The following RLN1 variants were observed in gnomAD, a reference collection of about 807,000 sequenced individuals.
RLN1 encodes the protein prorelaxin H1.
RLN1 carries 4 observed loss-of-function variants against 7.2 expected under a neutral mutation model. The ratio of observed to expected loss-of-function variants is 0.56; its 90% CI spans 0.28 to 1.28. RLN1 has a LOEUF of 1.28. Among genes scored for constraint, RLN1 ranks in the 50% most tolerant of loss-of-function variants. The pLI is 0.11. For missense variants in RLN1, 293 were observed against 221.1 expected, an observed-to-expected ratio of 1.32 and a Z score of -2.06; for synonymous variants, 105 against 86.0, an observed-to-expected ratio of 1.22 and a Z score of -1.22.
At chr9:5,335,977 C>T (rs1268733760) in intron 1 of RLN1, among the ~76,000 whole-genome samples, 3 of 152,024 alleles carry the variant, frequency 2.0e-5, no homozygotes, top group East Asian at 1.9e-4. Context: ...TTACTTAACT[C>T]GTTTTCTTCC....
chr9:5,337,799 C>T (rs1365375471), intron 1 of RLN1, among the ~76,000 whole-genome samples: 1 of 151,980 alleles, frequency 6.6e-6, no homozygotes, highest in Non-Finnish European at 1.5e-5. Context: ...TTTGAAATCT[C>T]ATGTCTCTTC....
Position 5,339,709 on chromosome 9 carries a change from CAG to C in RLN1, c.36_37del (p.Phe12LeufsTer21). 2 of 1,613,316 alleles carry C rather than the reference CAG, an allele frequency of 1.2e-6. No homozygotes were observed. The highest frequency in any genetic ancestry group is 1.7e-6 in the Non-Finnish European group (2 of 1,180,038). ...TCTGGAAAATTGGTTCAGTAGTAAA[CAG>C]AATTCTAGCAGGTGGAACAAGAACA... On this transcript the variant is annotated frameshift_variant, in exon 1 of 2. Transcript: ENST00000223862. LOFTEE classifies it high-confidence loss of function.
chr9:5,339,887 G>T (rs1816957532), upstream of RLN1: 2 of 793,750 alleles, frequency 2.5e-6, no homozygotes, highest in African/African-American at 1.8e-5. Context: ...CTTTAGTATG[G>T]GCTATCACTC....
chr9:5,335,311 T>C lies in RLN1; in HGVS notation c.498A>G (p.Ala166=), dbSNP rs1437702641. Residue 166 remains alanine (A), a synonymous_variant, in exon 2 of 2, where the codon GCA becomes GCG. Coordinates refer to ENST00000223862, the MANE Select transcript of RLN1 (RefSeq NM_006911.4). The stretch of plus-strand genomic sequence containing the variant: ...CAATTAGGCAACATTTCTCAAACAG[T>C]GCCACGTAGGGTCGTCTCTTTTTTT... ...HSQKKRRPYV[A]LFEKCCLIGC... The C allele has an allele frequency of 6.2e-7, 1 of 1,608,824 alleles. No homozygotes were observed. The highest frequency in any genetic ancestry group is 8.5e-7 in the Non-Finnish European group (1 of 1,178,756).
In RLN1 at chr9:5,339,748, C is replaced by G. The variant is rs754979979; in HGVS notation, c.-2G>C. On this transcript the variant is annotated 5_prime_UTR_variant, in exon 1 of 2. Coordinates refer to ENST00000223862, the MANE Select transcript of RLN1 (RefSeq NM_006911.4). ...GTGGAACAAGAACAGGCGAGGCATC[C>G]TGGGCCTGGTCTCTCCTGGAGGTCT... 29 of 1,613,510 alleles carry G rather than the reference C, an allele frequency of 1.8e-5. No homozygotes were observed. The highest frequency in any genetic ancestry group is 2.3e-5 in the Non-Finnish European group (27 of 1,179,990).
At chr9:5,338,215 G>A (rs1418838323) in intron 1 of RLN1, among the ~76,000 whole-genome samples, 1 of 86,732 alleles carries the variant, frequency 1.2e-5, no homozygotes, top group Admixed American at 1.3e-4. Context: ...GTCAGAAAAT[G>A]TGGAATAATA....
intron 1 of RLN1, among the ~76,000 whole-genome samples, chr9:5,336,876 C>T (rs1352937253): frequency 6.6e-6 from 1 of 151,968 alleles, no homozygotes; most frequent in East Asian, 1.9e-4. Flanking sequence ...GACCCTTCAC[C>T]TAGACAGCGG....
chr9:5,339,736 A>C lies in RLN1; in HGVS notation c.11T>G (p.Leu4Arg). The stretch of plus-strand genomic sequence containing the variant: ...GAATTCTAGCAGGTGGAACAAGAAC[A>C]GGCGAGGCATCCTGGGCCTGGTCTC... MPR[L>R]FLFHLLEFCL... The change falls in exon 1 of 2, where the codon CTG becomes CGG. Residue 4 changes from leucine (L) to arginine (R), a missense_variant. Transcript: ENST00000223862. 6.2e-7 allele frequency: 1 copy of C among 1,613,632 alleles called. No individual in the cohort carries two copies. The highest frequency in any genetic ancestry group is 8.5e-7 in the Non-Finnish European group (1 of 1,180,030).
At position 5,339,798 on chromosome 9, in the gene RLN1, C is replaced by T. The variant is rs1477990743; in HGVS notation, c.-52G>A. The T allele has an allele frequency of 9.5e-6, 15 of 1,585,278 alleles. No individual in the cohort carries two copies. Among genetic ancestry groups the T allele is most frequent in the Middle Eastern group, 1.7e-4 (1 of 6,002 alleles). On this transcript the variant is annotated 5_prime_UTR_variant, in exon 1 of 2. Coordinates refer to ENST00000223862, the MANE Select transcript of RLN1 (RefSeq NM_006911.4). ...TGGGTGTTGCAGCCTTTCAGGACTG[C>T]GGCTGCTGTGGCCTACACACCTGGG... is the stretch of plus-strand genomic sequence containing the variant.
chr9:5,336,997 A>G (rs1816908885), intron 1 of RLN1, among the ~76,000 whole-genome samples: 2 of 151,756 alleles, frequency 1.3e-5, no homozygotes, highest in African/African-American at 2.4e-5. Flanking sequence ...TAAAAAACAA[A>G]ACAAAACAAA....
At position 5,339,688 on chromosome 9, in the gene RLN1, G is replaced by A. The variant is rs148394367; in HGVS notation, c.59C>T (p.Ser20Phe). 2.1e-4 allele frequency: 344 copies of A among 1,613,322 alleles called. No individual in the cohort carries two copies. Among genetic ancestry groups the A allele is most frequent in the Non-Finnish European group, 2.8e-4 (334 of 1,180,034 alleles). ...LEFCLLLNQF[S>F]RAVAAKWKDD... ...CTTCCATTTGGCCGCGACTGCTCTGGAAAATTGGTTCAGTAGTAAACAGAA... is the reference window on the plus strand; with the variant it reads ...CTTCCATTTGGCCGCGACTGCTCTGAAAAATTGGTTCAGTAGTAAACAGAA... The change falls in exon 1 of 2, where the codon TCC (serine) becomes TTC (phenylalanine). Residue 20 changes from serine to phenylalanine, a missense_variant. By Grantham distance (155) the Ser-to-Phe change is radical. Coordinates refer to ENST00000223862, the MANE Select transcript of RLN1 (RefSeq NM_006911.4).
rs146306135 is a variant in RLN1, at chr9:5,337,068, C to G, written c.212-1471G>C. ...CCTAACACTCTCGCTCATCCACATT[C>G]TAAACTGGAAATGACAGATGAGAAT... On this transcript the variant is annotated intron_variant, in intron 1 of 1. Coordinates refer to ENST00000223862, the MANE Select transcript of RLN1 (RefSeq NM_006911.4). Among the ~76,000 whole-genome samples the G allele has an allele frequency of 7.1e-3, 1,073 of 152,130 alleles. 33 individuals carry two copies. The highest frequency in any genetic ancestry group is 0.025 in the African/African-American group (1,038 of 41,476).
chr9:5,335,684 GA>G (rs1212367970), intron 1 of RLN1, 87 bp from the exon 2 acceptor site: 2 of 777,292 alleles, frequency 2.6e-6, no homozygotes, highest in South Asian at 1.8e-5. Context: ...CATACACAAA[GA>G]AAAGAAAGCA....
In RLN1 at chr9:5,335,581, GA is replaced by G. The variant is rs1314190574; in HGVS notation, c.227del (p.Phe76SerfsTer9). 6.2e-7 allele frequency: 1 copy of G among 1,605,482 alleles called. No individual in the cohort carries two copies. The highest frequency in any genetic ancestry group is 8.5e-7 in the Non-Finnish European group (1 of 1,174,508). On this transcript the variant is annotated frameshift_variant, in exon 2 of 2. Coordinates refer to ENST00000223862, the MANE Select transcript of RLN1 (RefSeq NM_006911.4). LOFTEE classifies it low-confidence loss of function (END_TRUNC). ...PRPVAEIVPSFINKDTETIII... is the reference protein window; with the variant it reads ...PRPVAEIVPSXINKDTETIII... The stretch of plus-strand genomic sequence containing the variant: ...TTATAGTTTCTGTATCTTTGTTGAT[GA>G]AGGATGGTACAATTTCTGTTAAGTT...
At position 5,339,671 on chromosome 9, in the gene RLN1, T is replaced by C. The variant is rs758627724; in HGVS notation, c.76A>G (p.Lys26Glu). Residue 26 changes from lysine to glutamate, a missense_variant, in exon 1 of 2, where the codon AAA becomes GAA. By Grantham distance (56) the Lys-to-Glu change is moderately conservative (BLOSUM62 1). Coordinates refer to ENST00000223862, the MANE Select transcript of RLN1 (RefSeq NM_006911.4). ...LNQFSRAVAA[K>E]WKDDVIKLCG... is the part of the protein sequence containing the mutation. The stretch of plus-strand genomic sequence containing the variant: ...AATTTAATAACATCGTCCTTCCATT[T>C]GGCCGCGACTGCTCTGGAAAATTGG... The C allele has an allele frequency of 6.2e-7, 1 of 1,611,246 alleles. No individual in the cohort carries two copies. Among genetic ancestry groups the C allele is most frequent in the Non-Finnish European group, 8.5e-7 (1 of 1,179,704 alleles).
At chr9:5,336,416 A>T (rs939392738) in intron 1 of RLN1, among the ~76,000 whole-genome samples, 4 of 152,058 alleles carry the variant, frequency 2.6e-5, no homozygotes, top group African/African-American at 9.7e-5. Flanking sequence ...ACAGCATCCC[A>T]GGCTGGCCAA....
rs775351716 is a variant in RLN1 at position 5,339,633 on chromosome 9, T to A, written c.114A>T (p.Glu38Asp). ...AAATGGCAATCTGCGCGCGAACTAA[T>A]TCGCGGCCGCATAATTTAATAACAT... is the stretch of plus-strand genomic sequence containing the variant. ...KDDVIKLCGR[E>D]LVRAQIAICG... Residue 38 changes from glutamate to aspartate, a missense_variant, in exon 1 of 2, where the codon GAA becomes GAT. Transcript: ENST00000223862. 34 of 1,612,530 alleles carry A rather than the reference T, an allele frequency of 2.1e-5. No homozygotes were observed. The East Asian group carries it at 7.6e-4, about 36-fold the overall frequency.
chr9:5,339,544 G>T lies in RLN1; in HGVS notation c.203C>A (p.Pro68Gln), dbSNP rs144879941. The change falls in exon 1 of 2, where the codon CCA (proline) becomes CAA (glutamine). Residue 68 changes from proline (P) to glutamine (Q), a missense_variant. Transcript: ENST00000223862. Reference protein sequence around the residue: ...SQEDAPQTPRPVAEIVPSFIN... With the variant: ...SQEDAPQTPRQVAEIVPSFIN... The stretch of plus-strand genomic sequence containing the variant: ...GGGGCGGGAGCTCTCACCTGCCACT[G>T]GTCTAGGTGTCTGAGGAGCATCTTC... 4,801 of 1,586,004 alleles carry T rather than the reference G, an allele frequency of 3.0e-3. 114 individuals carry two copies. The African/African-American group carries it at 0.036, about 12-fold the overall frequency.
chr9:5,340,596 T>C (rs1322220), upstream of RLN1, among the ~76,000 whole-genome samples: 67,395 of 152,044 alleles, frequency 0.44, 15,512 homozygotes, highest in African/African-American at 0.54. Flanking sequence ...ACATCCCACA[T>C]TCCCAGAAAT....
Sources: gnomAD v4.1 joint callset for allele counts (sites outside exome capture counted in the v4.1 genomes callset) on GRCh38, gnomAD v4.1.1 for gene constraint, MANE v1.5 for transcripts, NCBI Gene and HGNC (gene_info 2026-07-23, HGNC 2026-07-21) for gene names.